Variants in ABCD2 observed in about 807,000 individuals in gnomAD.
The protein encoded by ABCD2 is ATP binding cassette subfamily D member 2.
In ABCD2, 36 loss-of-function variants were observed where a neutral mutation model predicts 70.9. The observed-to-expected ratio is 0.51, with a 90% CI of 0.39 to 0.67. The LOEUF (loss-of-function observed/expected upper bound fraction) is 0.67, where lower values mean the gene tolerates loss of function less well. ABCD2 is among the 30% of genes least tolerant of loss of function. The probability of loss-of-function intolerance (pLI) is 0.00; values close to 1 mark genes in which losing one functional copy is unlikely to be tolerated. For missense variants in ABCD2, 729 were observed against 890.2 expected, an observed-to-expected ratio of 0.82 and a Z score of 2.30; for synonymous variants, 304 against 306.9, an observed-to-expected ratio of 0.99 and a Z score of 0.10.
At chr12:39,597,604 A>G (rs1941834513) in intron 6 of ABCD2, among the ~76,000 whole-genome samples, 2 of 152,190 alleles carry the variant, frequency 1.3e-5, no homozygotes, top group Admixed American at 1.3e-4. Flanking sequence ...GTGAGTTTCA[A>G]TCATCAGCTT....
chr12:39,601,512 C>T (rs1941896983), intron 5 of ABCD2, among the ~76,000 whole-genome samples: 1 of 151,862 alleles, frequency 6.6e-6, no homozygotes, highest in Non-Finnish European at 1.5e-5. Context: ...TCCTATTCCA[C>T]ACAATAGGAT....
chr12:39,553,823 T>C lies in ABCD2; in HGVS notation c.*89A>G. 2.1e-6 allele frequency: 2 copies of C among 970,640 alleles called. No individual in the cohort carries two copies. The highest frequency in any genetic ancestry group is 3.0e-6 in the Non-Finnish European group (2 of 671,770). 60.1% of individuals were successfully genotyped at this position (970,640 alleles called of 1,614,324 possible). On this transcript the variant is annotated 3_prime_UTR_variant, in exon 10 of 10. Transcript: ENST00000308666. ...ACATGTCTTGCTGCCTTTTTTTCTC[T>C]GTGCTTAGCTTAACATACTTCATGC...
chr12:39,583,070 G>T (rs1310182240), intron 7 of ABCD2, among the ~76,000 whole-genome samples: 1 of 152,050 alleles, frequency 6.6e-6, no homozygotes, highest in Non-Finnish European at 1.5e-5. Flanking sequence ...ATGTTGCCCA[G>T]GCTGGTTTCA....
intron 6 of ABCD2, among the ~76,000 whole-genome samples, chr12:39,589,844 AT>A (rs1177888126): frequency 1.3e-5 from 2 of 152,310 alleles, no homozygotes; most frequent in South Asian, 2.1e-4. Flanking sequence ...TTAAAGTTCA[AT>A]TTTTTGTCAA....
downstream of ABCD2, among the ~76,000 whole-genome samples, chr12:39,546,739 G>T (rs1941028814): frequency 6.6e-6 from 1 of 151,986 alleles, no homozygotes; most frequent in South Asian, 2.1e-4. Flanking sequence ...CATAATAAAG[G>T]AAAATATACA....
At position 39,618,939 on chromosome 12, in the gene ABCD2, G is replaced by A; in HGVS notation, c.677C>T (p.Ser226Phe). 6.2e-7 allele frequency: 1 copy of A among 1,614,202 alleles called. No individual in the cohort carries two copies. Among genetic ancestry groups the A allele is most frequent in the South Asian group, 1.1e-5 (1 of 91,084 alleles). ...ATCTAAAATAGGTTTGGTCAGATTG[G>A]AATACAAGTGAGCCACAGATTGGGA... Reference protein sequence around the residue: ...MFSQSVAHLYSNLTKPILDVM... With the variant: ...MFSQSVAHLYFNLTKPILDVM... The change falls in exon 1 of 10, where the codon TCC becomes TTC. Residue 226 changes from serine (S) to phenylalanine (F), a missense_variant. Transcript: ENST00000308666.
chr12:39,595,298 A>G (rs892984445), intron 6 of ABCD2, among the ~76,000 whole-genome samples: 1 of 152,186 alleles, frequency 6.6e-6, no homozygotes, highest in Admixed American at 6.5e-5. Flanking sequence ...CAGTGAGTAC[A>G]GAAGATTTGT....
intron 6 of ABCD2, among the ~76,000 whole-genome samples, chr12:39,586,558 T>C (rs1941669472): frequency 6.6e-6 from 1 of 152,180 alleles, no homozygotes; most frequent in African/African-American, 2.4e-5. Context: ...TAAAAAATTC[T>C]ATTTTATTTT....
At chr12:39,576,326 AT>A (rs1008233434) in intron 8 of ABCD2, among the ~76,000 whole-genome samples, 2 of 151,778 alleles carry the variant, frequency 1.3e-5, no homozygotes, top group Non-Finnish European at 2.9e-5. Context: ...TGCCTGGCTA[AT>A]TTTTTTTAAT....
chr12:39,562,111 A>G (rs1285253940), intron 9 of ABCD2, among the ~76,000 whole-genome samples: 1 of 152,182 alleles, frequency 6.6e-6, no homozygotes, highest in Non-Finnish European at 1.5e-5. Flanking sequence ...TAAAGAAATT[A>G]AAAGAAAAAT....
chr12:39,573,905 C>G, intron 8 of ABCD2, 64 bp from the exon 9 acceptor site: 1 of 1,480,590 alleles, frequency 6.8e-7, no homozygotes, highest in South Asian at 1.3e-5. Context: ...TTTCTTTGGA[C>G]AATATGAGTT....
chr12:39,599,078 T>A (rs1351405833), intron 6 of ABCD2, among the ~76,000 whole-genome samples: 1 of 152,208 alleles, frequency 6.6e-6, no homozygotes, highest in African/African-American at 2.4e-5. Flanking sequence ...TTGGTTTTTT[T>A]GCTTAAGCAA....
chr12:39,538,238 C>T, the ABCD2 span, among the ~76,000 whole-genome samples: 2 of 148,924 alleles, frequency 1.3e-5, no homozygotes, highest in East Asian at 4.0e-4. Context: ...GGAGCCATCT[C>T]GTCTCACTGC....
At chr12:39,536,970 G>A in the ABCD2 span, among the ~76,000 whole-genome samples, 4 of 152,068 alleles carry the variant, frequency 2.6e-5, no homozygotes, top group African/African-American at 9.7e-5. Context: ...GGACTCCCCA[G>A]GCTACCCTCC....
At chr12:39,566,603 TGA>T (rs1178143104) in intron 9 of ABCD2, among the ~76,000 whole-genome samples, 5 of 152,200 alleles carry the variant, frequency 3.3e-5, no homozygotes, top group African/African-American at 4.8e-5. Context: ...TTGATTTTTT[TGA>T]AAGGTTTTTT....
chr12:39,598,096 G>T (rs1941844044), intron 6 of ABCD2, among the ~76,000 whole-genome samples: 2 of 152,144 alleles, frequency 1.3e-5, no homozygotes, highest in East Asian at 3.9e-4. Context: ...TTCCTTAGTG[G>T]TTCACTTCTT....
chr12:39,533,104 G>T, the ABCD2 span, among the ~76,000 whole-genome samples: 1 of 152,058 alleles, frequency 6.6e-6, no homozygotes, highest in Non-Finnish European at 1.5e-5. Flanking sequence ...AGCGGAGATT[G>T]CAGTGAGCCG....
chr12:39,542,191 T>C, the ABCD2 span, among the ~76,000 whole-genome samples: 1 of 152,138 alleles, frequency 6.6e-6, no homozygotes, highest in Non-Finnish European at 1.5e-5. Context: ...TTGCCAAGCA[T>C]GGTGGATCAT....
chr12:39,539,122 CT>C, the ABCD2 span, among the ~76,000 whole-genome samples: 1 of 152,188 alleles, frequency 6.6e-6, no homozygotes, highest in Admixed American at 6.5e-5. Context: ...AATCAGTTAC[CT>C]CTTAATAAGA....
Sources: gnomAD v4.1 joint callset for allele counts (sites outside exome capture counted in the v4.1 genomes callset) on GRCh38, gnomAD v4.1.1 for gene constraint, MANE v1.5 for transcripts, NCBI Gene and HGNC (gene_info 2026-07-23, HGNC 2026-07-21) for gene names.